EGLN2: variants seen among roughly 807,000 people sequenced by gnomAD.
EGLN2 encodes the protein prolyl hydroxylase EGLN2.
In EGLN2, 15 loss-of-function variants were observed where a neutral mutation model predicts 38.2. The ratio of observed to expected loss-of-function variants is 0.39; its 90% CI spans 0.26 to 0.60. The LOEUF (loss-of-function observed/expected upper bound fraction) is 0.60, where lower values mean the gene tolerates loss of function less well. EGLN2 is among the 20% of genes least tolerant of loss of function. EGLN2 has a pLI of 0.50. For synonymous variants in EGLN2, 284 were observed against 237.4 expected (o/e 1.20, Z -1.81); for missense variants, 492 against 570.4 (o/e 0.86, Z 1.40).
In EGLN2 at chr19:40,800,993, A is replaced by G. The variant is rs1226791812; in HGVS notation, c.421A>G (p.Asn141Asp). The G allele has an allele frequency of 6.2e-7, 1 of 1,612,850 alleles. No homozygotes were observed. The highest frequency in any genetic ancestry group is 8.5e-7 in the Non-Finnish European group (1 of 1,179,700). The change falls in exon 2 of 6, where the codon AAC becomes GAC. Residue 141 changes from asparagine (N) to aspartate (D), a missense_variant. Transcript: ENST00000303961. ...CAAACGGCCCTGGGCCAGGCAAGAGAACCAGGAGGCAGAGCGGGAGGGTGG... is the reference window on the plus strand; with the variant it reads ...CAAACGGCCCTGGGCCAGGCAAGAGGACCAGGAGGCAGAGCGGGAGGGTGG... ...PSKRPWARQENQEAEREGGMS... is the reference protein window; with the variant it reads ...PSKRPWARQEDQEAEREGGMS...
At chr19:40,806,522 C>G in intron 2 of EGLN2, 33 bp from the exon 3 acceptor site, 1 of 1,612,812 alleles carries the variant, frequency 6.2e-7, no homozygotes, top group South Asian at 1.1e-5. Flanking sequence ...CCTGCCTAGC[C>G]CCAGTAAACC....
intron 5 of EGLN2, 29 bp from the exon 6 acceptor site, chr19:40,807,780 C>T: frequency 6.2e-7 from 1 of 1,612,586 alleles, no homozygotes; most frequent in Non-Finnish European, 8.5e-7. Flanking sequence ...TCTGATGACT[C>T]ACTGTCTCCT....
rs764479296 is a variant in EGLN2 at position 40,801,355 on chromosome 19, C to T, written c.783C>T (p.Asp261=). 26 of 1,611,198 alleles carry T rather than the reference C, an allele frequency of 1.6e-5. No homozygotes were observed. The highest frequency in any genetic ancestry group is 6.7e-5 in the East Asian group (3 of 44,890). Residue 261 remains aspartate, a synonymous_variant, in exon 2 of 6, where the codon GAC becomes GAT. Transcript: ENST00000303961. ...RSIGALMAHV[D]AVIRHCAGRL... is the part of the protein sequence containing the mutation. Reference sequence around the variant, plus strand: ...TTGGTGCCCTCATGGCCCATGTGGACGCCGTCATCCGCCACTGCGCAGGGC... The same window carrying T: ...TTGGTGCCCTCATGGCCCATGTGGATGCCGTCATCCGCCACTGCGCAGGGC...
intron 2 of EGLN2, among the ~76,000 whole-genome samples, chr19:40,803,482 G>A (rs888358644): frequency 7.2e-5 from 11 of 152,144 alleles, no homozygotes; most frequent in Non-Finnish European, 1.5e-4. Context: ...AGGCTTTCCC[G>A]CTTTTAGATG....
intron 3 of EGLN2, 137 bp from the exon 4 acceptor site, chr19:40,807,001 C>G (rs2083308297): frequency 7.4e-7 from 1 of 1,344,630 alleles, no homozygotes; most frequent in South Asian, 1.4e-5. Flanking sequence ...TCTGGGTTGT[C>G]ATTCACTTTG....
chr19:40,800,513 G>A lies in EGLN2; in HGVS notation c.-60G>A, dbSNP rs535424660. 2 of 1,499,372 alleles carry A rather than the reference G, an allele frequency of 1.3e-6. No individual in the cohort carries two copies. Among genetic ancestry groups the A allele is most frequent in the Non-Finnish European group, 1.8e-6 (2 of 1,126,808 alleles). The allele number at this position is 1,499,372 out of a possible 1,614,324, so 92.9% of individuals were successfully genotyped here. A position where few individuals can be genotyped will look rare whatever the true frequency, so the allele number is the denominator to read the frequency against. On this transcript the variant is annotated 5_prime_UTR_variant, in exon 2 of 6. Coordinates refer to ENST00000303961, the MANE Select transcript of EGLN2 (RefSeq NM_080732.4). The stretch of plus-strand genomic sequence containing the variant: ...TGGAGGCGGAGGAGGAGGCGGAGGA[G>A]GGTGGCACCATGGGCCCGGGCGGTG...
At position 40,807,417 on chromosome 19, in the gene EGLN2, G is replaced by C; in HGVS notation, c.1101-67G>C. The C allele has an allele frequency of 2.5e-6, 4 of 1,605,784 alleles. No individual in the cohort carries two copies. In the South Asian group the frequency reaches 4.4e-5, roughly 18 times the overall value. ...AACCGGGTGGCTCAAAAGGATGGCC[G>C]CCTAGTGTGTGTGGATATGGTAGCT... is the stretch of plus-strand genomic sequence containing the variant. On this transcript the variant is annotated intron_variant, in intron 4 of 5. Transcript: ENST00000303961.
At position 40,808,047 on chromosome 19, in the gene EGLN2, A is replaced by G. The variant is rs551227905; in HGVS notation, c.*183A>G. The G allele has an allele frequency of 1.6e-4, 104 of 650,132 alleles. No homozygotes were observed. Among genetic ancestry groups the G allele is most frequent in the Non-Finnish European group, 2.4e-4 (91 of 378,092 alleles). The allele number at this position is 650,132 out of a possible 1,614,324, so 40.3% of individuals were successfully genotyped here. On this transcript the variant is annotated 3_prime_UTR_variant, in exon 6 of 6. Transcript: ENST00000303961. ...GAGAAGAGACCTTTGCTGCCCCATC[A>G]TGGGGGCTGGGGTTGTCACCTGGAC...
chr19:40,806,857 C>G (rs140635839), intron 3 of EGLN2, 183 bp downstream of exon 3: 3 of 984,372 alleles, frequency 3.0e-6, no homozygotes, highest in African/African-American at 1.6e-5. Context: ...TCCTCTCTAG[C>G]GGACTGTGTG....
rs1235686046 is a variant in EGLN2 at position 40,806,195 on chromosome 19, C to T, written c.844-360C>T. On this transcript the variant is annotated intron_variant, in intron 2 of 5. Transcript: ENST00000303961. ...CTAGGGCTGTGAGGCCACCTCCTTGCACACCTGAAAATGTTTAAATTGGTA... is the reference window on the plus strand; with the variant it reads ...CTAGGGCTGTGAGGCCACCTCCTTGTACACCTGAAAATGTTTAAATTGGTA... 27 of 240,650 alleles carry T rather than the reference C, an allele frequency of 1.1e-4. No homozygotes were observed. The Admixed American group carries it at 1.3e-3, about 11-fold the overall frequency. The allele number at this position is 240,650 out of a possible 1,614,324, so 14.9% of individuals were successfully genotyped here. A position where few individuals can be genotyped will look rare whatever the true frequency, so the allele number is the denominator to read the frequency against.
In EGLN2 at chr19:40,800,756, GGGA is replaced by G. The variant is rs1568499976; in HGVS notation, c.185_187del (p.Gly62_Thr63delinsAla). Reference sequence around the variant, plus strand: ...GCCTAGTGAGGCCTCGGCAGGGAGTGGGACCCCCAGAGCCACAGCCACCTCTAC... The same window carrying G: ...GCCTAGTGAGGCCTCGGCAGGGAGTGCCCCCAGAGCCACAGCCACCTCTAC... On this transcript the variant is annotated inframe_deletion, in exon 2 of 6. Coordinates refer to ENST00000303961, the MANE Select transcript of EGLN2 (RefSeq NM_080732.4). The G allele has an allele frequency of 6.2e-7, 1 of 1,613,534 alleles. No individual in the cohort carries two copies. Among genetic ancestry groups the G allele is most frequent in the Non-Finnish European group, 8.5e-7 (1 of 1,179,772 alleles).
intron 3 of EGLN2, 152 bp downstream of exon 3, chr19:40,806,826 T>C (rs2083305754): frequency 8.7e-7 from 1 of 1,154,686 alleles, no homozygotes; most frequent in African/African-American, 1.5e-5. Flanking sequence ...CTGCCGGCTC[T>C]TCCTGGGAAA....
Position 40,800,449 on chromosome 19 carries a change from T to C in EGLN2, c.-124T>C. 1 of 1,401,054 alleles carries C rather than the reference T, an allele frequency of 7.1e-7. No individual in the cohort carries two copies. Among genetic ancestry groups the C allele is most frequent in the Non-Finnish European group, 9.4e-7 (1 of 1,065,674 alleles). The allele number at this position is 1,401,054 out of a possible 1,614,324, so 86.8% of individuals were successfully genotyped here. A position where few individuals can be genotyped will look rare whatever the true frequency, so the allele number is the denominator to read the frequency against. On this transcript the variant is annotated 5_prime_UTR_variant, in exon 2 of 6. Coordinates refer to ENST00000303961, the MANE Select transcript of EGLN2 (RefSeq NM_080732.4). ...TCTTGCTGTCTGCCCTGCCTCACCC[T>C]GCCCCACGCCAGGCCCGGTGGCCCC...
At chr19:40,803,465 C>T (rs2083278285) in intron 2 of EGLN2, among the ~76,000 whole-genome samples, 1 of 152,182 alleles carries the variant, frequency 6.6e-6, no homozygotes, top group South Asian at 2.1e-4. Flanking sequence ...AGTGAGACAG[C>T]AACTCCAGGC....
intron 3 of EGLN2, 95 bp from the exon 4 acceptor site, chr19:40,807,043 G>A: frequency 1.9e-6 from 3 of 1,564,758 alleles, no homozygotes; most frequent in Non-Finnish European, 1.7e-6. Context: ...AGTGATGCAG[G>A]CAGACGCTGC....
At chr19:40,806,430 C>T (rs2083301166) in intron 2 of EGLN2, 125 bp from the exon 3 acceptor site, 7 of 1,516,178 alleles carry the variant, frequency 4.6e-6, no homozygotes, top group South Asian at 2.5e-5. Context: ...AGCTTGGAAC[C>T]CTTGACCCAA....
In EGLN2 at chr19:40,801,406, G is replaced by T; in HGVS notation, c.834G>T (p.Gly278=). ...GGCTGGGCAGCTATGTCATCAACGG[G>T]CGCACCAAGGTAAGGCTAGGTGGGG... ...AGRLGSYVIN[G]RTKAMVACYP... is the part of the protein sequence containing the mutation. The change falls in exon 2 of 6, where the codon GGG becomes GGT. Residue 278 remains glycine (G), a synonymous_variant. Transcript: ENST00000303961. 1 of 1,604,468 alleles carries T rather than the reference G, an allele frequency of 6.2e-7. No homozygotes were observed.
chr19:40,801,595 G>C (rs935796436), intron 2 of EGLN2, among the ~76,000 whole-genome samples, 180 bp downstream of exon 2: 1 of 151,624 alleles, frequency 6.6e-6, no homozygotes, highest in Non-Finnish European at 1.5e-5. Flanking sequence ...TCCTCCCTAC[G>C]GGCCTTAATG....
chr19:40,806,423 T>A (rs1251854700), intron 2 of EGLN2, 132 bp from the exon 3 acceptor site: 13 of 1,492,576 alleles, frequency 8.7e-6, no homozygotes, highest in Admixed American at 2.2e-5. Flanking sequence ...GGGCAGGAGC[T>A]TGGAACCCTT....
Sources: allele counts gnomAD v4.1 joint callset (sites outside exome capture counted in the v4.1 genomes callset), GRCh38; gene constraint gnomAD v4.1.1; transcripts MANE v1.5; gene names NCBI Gene and HGNC (gene_info 2026-07-23, HGNC 2026-07-21).